REEP1: variants seen among roughly 807,000 people sequenced by gnomAD.
REEP1 encodes receptor accessory protein 1.
Under a neutral mutation model 40.3 loss-of-function variants are expected in REEP1, and 22 were observed. That is an observed-to-expected ratio of 0.55 (90% CI 0.39 to 0.78). REEP1 has a LOEUF of 0.78. Among genes scored for constraint, REEP1 ranks in the 30% least tolerant of loss-of-function variants. The pLI is 0.00. For synonymous variants in REEP1, 116 were observed against 139.2 expected, an observed-to-expected ratio of 0.83 and a Z score of 1.17; for missense variants, 280 against 361.1, an observed-to-expected ratio of 0.78 and a Z score of 1.82.
chr2:86,304,717 C>G (rs1024844587), intron 1 of REEP1, among the ~76,000 whole-genome samples: 9 of 152,186 alleles, frequency 5.9e-5, no homozygotes, highest in Admixed American at 5.9e-4. Context: ...TAAAGACCAC[C>G]CACCTTCACC....
chr2:86,251,800 A>T lies in REEP1; in HGVS notation c.417+157T>A. ...GGGGGTGAGAATTTTCTGGGGCAAG[A>T]TTCAGCATTTTTTTCCATCAGATTT... On this transcript the variant is annotated intron_variant, in intron 5 of 8. Coordinates refer to ENST00000538924, the MANE Select transcript of REEP1 (RefSeq NM_001371279.1). The T allele has an allele frequency of 4.1e-6, 3 of 724,268 alleles. No individual in the cohort carries two copies. The South Asian group carries it at 4.3e-5, about 10-fold the overall frequency. The allele number at this position is 724,268 out of a possible 1,614,324, so 44.9% of individuals were successfully genotyped here. A position where few individuals can be genotyped will look rare whatever the true frequency, so the allele number is the denominator to read the frequency against.
intron 1 of REEP1, among the ~76,000 whole-genome samples, chr2:86,326,089 C>T (rs1370052533): frequency 6.6e-6 from 1 of 152,218 alleles, no homozygotes; most frequent in Non-Finnish European, 1.5e-5. Flanking sequence ...AAGTCATTCA[C>T]ACACACCCAC....
At chr2:86,237,616 A>G (rs1574013746) in intron 5 of REEP1, among the ~76,000 whole-genome samples, 1 of 152,228 alleles carries the variant, frequency 6.6e-6, no homozygotes, top group South Asian at 2.1e-4. Context: ...TCTGCCTCCC[A>G]GGTTCAAAAG....
intron 5 of REEP1, among the ~76,000 whole-genome samples, chr2:86,248,664 G>T (rs1676099782): frequency 6.6e-6 from 1 of 151,930 alleles, no homozygotes; most frequent in African/African-American, 2.4e-5. Flanking sequence ...TACCCAAGCT[G>T]GTCTCTAACT....
chr2:86,276,574 T>C (rs559153874), intron 2 of REEP1, among the ~76,000 whole-genome samples: 1 of 152,294 alleles, frequency 6.6e-6, no homozygotes, highest in East Asian at 1.9e-4. Context: ...CTACCTGGCA[T>C]TGGAGGGTTC....
At chr2:86,309,145 T>C (rs557202668) in intron 1 of REEP1, among the ~76,000 whole-genome samples, 1 of 152,282 alleles carries the variant, frequency 6.6e-6, no homozygotes, top group South Asian at 2.1e-4. Flanking sequence ...GGAATTACAT[T>C]TCTCTCTCTC....
At chr2:86,300,573 G>C (rs1391088095) in intron 1 of REEP1, among the ~76,000 whole-genome samples, 1 of 152,146 alleles carries the variant, frequency 6.6e-6, no homozygotes, top group Non-Finnish European at 1.5e-5. Flanking sequence ...GACACACAGA[G>C]AGAGTCGAGC....
chr2:86,241,466 C>A (rs540366705), intron 5 of REEP1, among the ~76,000 whole-genome samples: 2 of 152,224 alleles, frequency 1.3e-5, no homozygotes, highest in South Asian at 4.1e-4. Flanking sequence ...GAGAGCTGAT[C>A]GATCATCAGA....
intron 1 of REEP1, among the ~76,000 whole-genome samples, chr2:86,303,212 G>GTTT (rs35002382): frequency 7.2e-5 from 5 of 69,002 alleles, no homozygotes; most frequent in Admixed American, 2.2e-4. Flanking sequence ...CCGGCTAATT[G>GTTT]TTTTTTTTTT....
At chr2:86,255,477 T>C (rs1049932687) in intron 3 of REEP1, among the ~76,000 whole-genome samples, 2 of 152,114 alleles carry the variant, frequency 1.3e-5, no homozygotes, top group African/African-American at 4.8e-5. Flanking sequence ...ATTCTGGAGT[T>C]TGCAGTCCTG....
intron 1 of REEP1, among the ~76,000 whole-genome samples, chr2:86,334,138 G>T (rs969037400): frequency 6.6e-6 from 1 of 152,220 alleles, no homozygotes; most frequent in African/African-American, 2.4e-5. Context: ...TAAAGCGGTT[G>T]TAAAGGGAAA....
At chr2:86,278,587 T>TC (rs1435932722) in intron 2 of REEP1, among the ~76,000 whole-genome samples, 1 of 152,234 alleles carries the variant, frequency 6.6e-6, no homozygotes, top group Non-Finnish European at 1.5e-5. Flanking sequence ...TTATTTTTTT[T>TC]CCATGACTAC....
At chr2:86,313,890 A>G (rs1679872322) in intron 1 of REEP1, among the ~76,000 whole-genome samples, 1 of 152,222 alleles carries the variant, frequency 6.6e-6, no homozygotes, top group Admixed American at 6.5e-5. Context: ...TGACTCTTCA[A>G]GAGAAGCCCA....
chr2:86,279,876 T>C (rs1574074428), intron 2 of REEP1: 2 of 441,378 alleles, frequency 4.5e-6, no homozygotes, highest in East Asian at 7.0e-5. Context: ...AATTATAAAA[T>C]AGTACACAGG....
chr2:86,324,838 T>C (rs1315230889), intron 1 of REEP1, among the ~76,000 whole-genome samples: 1 of 152,206 alleles, frequency 6.6e-6, no homozygotes, highest in African/African-American at 2.4e-5. Flanking sequence ...TGCAGCGCTC[T>C]TTCTGAGAGA....
Position 86,297,817 on chromosome 2 carries a change from C to A in REEP1, c.33-15575G>T, listed in dbSNP as rs191544680. The A allele has an allele frequency of 8.1e-5, 52 of 644,414 alleles. No individual in the cohort carries two copies. The Admixed American group carries it at 1.6e-3, about 20-fold the overall frequency. 39.9% of individuals were successfully genotyped at this position (644,414 alleles called of 1,614,324 possible). ...GACTCTGGGGGATCTCAGAGGATGC[C>A]TAAGGTCCAGCCTGGGTCCCTCTCA... On this transcript the variant is annotated intron_variant, in intron 1 of 8. Coordinates refer to ENST00000538924, the MANE Select transcript of REEP1 (RefSeq NM_001371279.1).
chr2:86,269,444 C>G (rs548166166), intron 2 of REEP1, among the ~76,000 whole-genome samples: 4 of 152,186 alleles, frequency 2.6e-5, no homozygotes, highest in Non-Finnish European at 5.9e-5. Flanking sequence ...CATTCAGTGA[C>G]AAATGTCCTA....
chr2:86,290,636 C>T (rs900820101), intron 1 of REEP1, among the ~76,000 whole-genome samples: 1 of 152,190 alleles, frequency 6.6e-6, no homozygotes, highest in Non-Finnish European at 1.5e-5. Flanking sequence ...AATCCATCTC[C>T]AAGACCCACT....
At chr2:86,218,440 C>T (rs895129792) in intron 8 of REEP1, among the ~76,000 whole-genome samples, 3 of 152,340 alleles carry the variant, frequency 2.0e-5, no homozygotes, top group Admixed American at 6.5e-5. Context: ...GACTCAGGCC[C>T]TCTCATAGAG....
Sources: gnomAD v4.1 joint callset for allele counts (sites outside exome capture counted in the v4.1 genomes callset) on GRCh38, gnomAD v4.1.1 for gene constraint, MANE v1.5 for transcripts, NCBI Gene and HGNC (gene_info 2026-07-23, HGNC 2026-07-21) for gene names.